The following XRCC6 variants were observed in gnomAD, a reference collection of about 807,000 sequenced individuals.
XRCC6 encodes the protein DNA repair protein Ku70.
In XRCC6, 5 loss-of-function variants were observed where a neutral mutation model predicts 65.7. The ratio of observed to expected loss-of-function variants is 0.08; its 90% CI spans 0.04 to 0.16. The LOEUF (loss-of-function observed/expected upper bound fraction) is 0.16, where lower values mean the gene tolerates loss of function less well. XRCC6 is among the 10% of genes least tolerant of loss of function. The pLI, the probability that XRCC6 is intolerant of heterozygous loss-of-function variation, is 1.00. For synonymous variants in XRCC6, 270 were observed against 270.6 expected, an observed-to-expected ratio of 1.00 and a Z score of 0.02; for missense variants, 447 against 738.1, an observed-to-expected ratio of 0.61 and a Z score of 4.57.
chr22:41,663,870 T>C lies in XRCC6; in HGVS notation c.*55T>C. On this transcript the variant is annotated 3_prime_UTR_variant, in exon 13 of 13. Coordinates refer to ENST00000360079, the MANE Select transcript of XRCC6 (RefSeq NM_001469.5). ...GCAGTGTGGCCAGGCTGCCTGGCCT[T>C]GTCCTCAGCCAGTTAAAATGTGTTT... The C allele has an allele frequency of 6.4e-7, 1 of 1,563,306 alleles. No homozygotes were observed. Among genetic ancestry groups the C allele is most frequent in the Non-Finnish European group, 8.7e-7 (1 of 1,145,036 alleles).
intron 9 of XRCC6, among the ~76,000 whole-genome samples, chr22:41,655,617 G>T (rs1470507368): frequency 6.6e-6 from 1 of 151,862 alleles, no homozygotes; most frequent in Admixed American, 6.6e-5. Context: ...CAGGAGAATG[G>T]TGTGAACCCG....
chr22:41,622,114 T>A (rs933286005), intron 2 of XRCC6, 28 bp downstream of exon 2: 12 of 1,612,792 alleles, frequency 7.4e-6, no homozygotes, highest in Non-Finnish European at 9.3e-6. Flanking sequence ...GTAGTGCCAT[T>A]CGGTGTGTGG....
chr22:41,637,790 A>C lies in XRCC6; in HGVS notation c.772A>C (p.Arg258=). The change falls in exon 6 of 13, where the codon AGG becomes CGG. Residue 258 remains arginine (R), a splice_region_variant and synonymous_variant. Coordinates refer to ENST00000360079, the MANE Select transcript of XRCC6 (RefSeq NM_001469.5). ...GGAGACCAGGAAGCGAGCACTCAGC[A>C]GGTGTGCACTCAGCCCGGGTCAGCT... is the stretch of plus-strand genomic sequence containing the variant. The part of the protein sequence containing the change: ...AKETRKRALS[R]LKLKLNKDIV... The C allele has an allele frequency of 6.2e-7, 1 of 1,613,536 alleles. No homozygotes were observed. The highest frequency in any genetic ancestry group is 8.5e-7 in the Non-Finnish European group (1 of 1,179,764).
chr22:41,650,459 C>T (rs1223668221), intron 7 of XRCC6, among the ~76,000 whole-genome samples: 1 of 151,990 alleles, frequency 6.6e-6, no homozygotes, highest in South Asian at 2.1e-4. Context: ...AGTGCAGTGG[C>T]TATTCATAAG....
At chr22:41,639,164 T>C (rs2067845387) in intron 6 of XRCC6, among the ~76,000 whole-genome samples, 1 of 152,076 alleles carries the variant, frequency 6.6e-6, no homozygotes, top group South Asian at 2.1e-4. Flanking sequence ...GTGACAACAA[T>C]ACCTGCCTCA....
rs374280633 is a variant in XRCC6 at position 41,634,065 on chromosome 22, G to A, written c.196-2048G>A. ...GGATTGTTGTCAGTGACTAGCTATA[G>A]TACATGTTCTGCATTTAAGGAGAGA... On this transcript the variant is annotated intron_variant, in intron 3 of 12. Transcript: ENST00000360079. Among the ~76,000 whole-genome samples the A allele has an allele frequency of 3.0e-4, 46 of 152,300 alleles. No individual in the cohort carries two copies. The South Asian group carries it at 9.5e-3, about 32-fold the overall frequency.
chr22:41,643,330 A>C (rs2067897797), intron 6 of XRCC6, among the ~76,000 whole-genome samples: 1 of 151,760 alleles, frequency 6.6e-6, no homozygotes, highest in African/African-American at 2.4e-5. Flanking sequence ...AATCACTTGA[A>C]CCCGGTTGGC....
chr22:41,662,200 TAACTA>T (rs1012316461), intron 12 of XRCC6, among the ~76,000 whole-genome samples: 1 of 152,172 alleles, frequency 6.6e-6, no homozygotes, highest in Admixed American at 6.6e-5. Context: ...CATTTAAAAA[TAACTA>T]AAGGAATACA....
intron 11 of XRCC6, among the ~76,000 whole-genome samples, chr22:41,659,831 C>T (rs1195369236): frequency 6.6e-6 from 1 of 151,912 alleles, no homozygotes; most frequent in African/African-American, 2.4e-5. Flanking sequence ...ATTACAGGCA[C>T]CCGCCACCAT....
chr22:41,635,914 T>C (rs941090656), intron 3 of XRCC6, among the ~76,000 whole-genome samples, 199 bp from the exon 4 acceptor site: 1 of 152,170 alleles, frequency 6.6e-6, no homozygotes, highest in African/African-American at 2.4e-5. Context: ...GTATACTTAC[T>C]GCATTCTGGT....
At chr22:41,630,814 G>T (rs983889892) in intron 3 of XRCC6, among the ~76,000 whole-genome samples, 11 of 152,118 alleles carry the variant, frequency 7.2e-5, no homozygotes, top group African/African-American at 9.7e-5. Context: ...CAAGGCAGAA[G>T]AATTTTTCTT....
intron 6 of XRCC6, among the ~76,000 whole-genome samples, chr22:41,638,974 G>C (rs1000572411): frequency 1.3e-5 from 2 of 152,122 alleles, no homozygotes; most frequent in African/African-American, 4.8e-5. Context: ...CATCACTACA[G>C]ATGCATGAGT....
chr22:41,637,493 T>C, intron 5 of XRCC6, 115 bp from the exon 6 acceptor site: 1 of 942,644 alleles, frequency 1.1e-6, no homozygotes, highest in Non-Finnish European at 1.6e-6. Context: ...CTGAAAATGT[T>C]AATAGTCTAG....
intron 6 of XRCC6, among the ~76,000 whole-genome samples, chr22:41,643,395 C>A (rs1486905457): frequency 1.3e-5 from 2 of 150,770 alleles, no homozygotes; most frequent in African/African-American, 4.9e-5. Flanking sequence ...GGCGACAGAG[C>A]GAGACTCCAT....
In XRCC6 at chr22:41,639,667, C is replaced by CTTTTTTTTTTTTTTTTTT. The variant is rs71184825; in HGVS notation, c.773+1889_773+1890insTTTTTTTTTTTTTTTTTT. ...TCCATGTGTAGCCTAGATTCTCTCT[C>CTTTTTTTTTTTTTTTTTT]TTTTTTTTTTTTTGAGATGGAGTCT... On this transcript the variant is annotated intron_variant, in intron 6 of 12. Coordinates refer to ENST00000360079, the MANE Select transcript of XRCC6 (RefSeq NM_001469.5). Among the ~76,000 whole-genome samples the CTTTTTTTTTTTTTTTTTT allele has an allele frequency of 4.2e-4, 34 of 81,030 alleles. 2 individuals carry two copies. The highest frequency in any genetic ancestry group is 5.2e-4 in the Non-Finnish European group (23 of 44,148). The allele number at this position is 81,030 out of a possible 152,430, so 53.2% of individuals were successfully genotyped here. A position where few individuals can be genotyped will look rare whatever the true frequency, so the allele number is the denominator to read the frequency against.
intron 6 of XRCC6, among the ~76,000 whole-genome samples, chr22:41,638,131 T>A (rs959719207): frequency 6.6e-6 from 1 of 152,178 alleles, no homozygotes; most frequent in African/African-American, 2.4e-5. Context: ...ATTTGCTGCT[T>A]TATCTCTGGC....
At chr22:41,655,980 G>A (rs2068041209) in intron 9 of XRCC6, among the ~76,000 whole-genome samples, 1 of 151,882 alleles carries the variant, frequency 6.6e-6, no homozygotes, top group Non-Finnish European at 1.5e-5. Context: ...TGTAATCTTA[G>A]CACTTTGGGA....
intron 7 of XRCC6, among the ~76,000 whole-genome samples, chr22:41,649,959 G>C (rs538532137): frequency 6.7e-4 from 102 of 152,148 alleles, no homozygotes; most frequent in South Asian, 1.5e-3. Flanking sequence ...TTGAACCTGG[G>C]AGGTTGCCGT....
intron 6 of XRCC6, among the ~76,000 whole-genome samples, chr22:41,641,393 A>C (rs1008868014): frequency 2.6e-5 from 4 of 152,226 alleles, no homozygotes; most frequent in African/African-American, 9.6e-5. Context: ...ATAGGCATGC[A>C]ATGCGTAATA....
Sources: allele counts gnomAD v4.1 joint callset (sites outside exome capture counted in the v4.1 genomes callset), GRCh38; gene constraint gnomAD v4.1.1; transcripts MANE v1.5; gene names NCBI Gene and HGNC (gene_info 2026-07-23, HGNC 2026-07-21).